SLIT2: variants seen among roughly 807,000 people sequenced by gnomAD.
The protein encoded by SLIT2 is slit guidance ligand 2.
A neutral mutation model predicts 185.7 loss-of-function variants in SLIT2; 41 were observed. The observed-to-expected ratio is 0.22, with a 90% CI of 0.17 to 0.29. The LOEUF (loss-of-function observed/expected upper bound fraction) is 0.29, where lower values mean the gene tolerates loss of function less well. Among genes scored for constraint, SLIT2 ranks in the 10% least tolerant of loss-of-function variants. The pLI is 1.00. For missense variants in SLIT2, 1,571 were observed against 1,909.0 expected, an observed-to-expected ratio of 0.82 and a Z score of 3.30; for synonymous variants, 693 against 680.2, an observed-to-expected ratio of 1.02 and a Z score of -0.29.
intron 19 of SLIT2, among the ~76,000 whole-genome samples, chr4:20,540,014 T>C (rs1722662372): frequency 6.6e-6 from 1 of 151,968 alleles, no homozygotes; most frequent in Admixed American, 6.6e-5. Context: ...GCACAGTGGC[T>C]CACGTCTGTA....
intron 4 of SLIT2, 33 bp downstream of exon 4, chr4:20,268,914 G>C (rs577962276): frequency 1.3e-5 from 17 of 1,277,488 alleles, no homozygotes; most frequent in Non-Finnish European, 1.7e-5. Context: ...TGTTGCTTTG[G>C]GTAGTACCTT....
intron 4 of SLIT2, among the ~76,000 whole-genome samples, chr4:20,374,668 C>T (rs1723872426): frequency 6.6e-6 from 1 of 151,926 alleles, no homozygotes; most frequent in South Asian, 2.1e-4. Flanking sequence ...CTTTCTCCTT[C>T]TTTCCTTCCT....
intron 4 of SLIT2, among the ~76,000 whole-genome samples, chr4:20,453,493 G>A (rs1472890029): frequency 2.0e-5 from 3 of 152,132 alleles, no homozygotes; most frequent in Non-Finnish European, 4.4e-5. Flanking sequence ...ATTAATATGT[G>A]TAAGGCCCTG....
chr4:20,294,348 C>CA (rs34046519), intron 4 of SLIT2, among the ~76,000 whole-genome samples: 32,515 of 123,296 alleles, frequency 0.26, 4,481 homozygotes, highest in East Asian at 0.62. Flanking sequence ...GACTCTGTCT[C>CA]AAAAAAAAAA....
At position 20,370,238 on chromosome 4, in the gene SLIT2, A is replaced by G. The variant is rs557923313; in HGVS notation, c.396-97514A>G. 4.6e-5 allele frequency among the ~76,000 whole-genome samples: 7 copies of G among 152,182 alleles called. No individual in the cohort carries two copies. In the South Asian group the frequency reaches 1.2e-3, roughly 27 times the overall value. ...TGAAAGGGAGCTTTCAAAATATAGA[A>G]AACTCCTTTCCCTTTCCACAAAGAT... On this transcript the variant is annotated intron_variant, in intron 4 of 36. Transcript: ENST00000504154.
chr4:20,565,759 C>G lies in SLIT2; in HGVS notation c.2726-1503C>G, dbSNP rs138877912. Reference sequence around the variant, plus strand: ...TAAGCACCACCTCTTTCCCTTAATACGGTCATCCTAGGAACAGTTAATTTT... The same window carrying G: ...TAAGCACCACCTCTTTCCCTTAATAGGGTCATCCTAGGAACAGTTAATTTT... On this transcript the variant is annotated intron_variant, in intron 26 of 36. Coordinates refer to ENST00000504154, the MANE Select transcript of SLIT2 (RefSeq NM_004787.4). 2.6e-4 allele frequency among the ~76,000 whole-genome samples: 39 copies of G among 151,982 alleles called. 1 individual carries two copies. In the Middle Eastern group the frequency reaches 0.027, roughly 106 times the overall value.
intron 4 of SLIT2, among the ~76,000 whole-genome samples, chr4:20,433,754 T>G (rs1560419397): frequency 6.6e-6 from 1 of 152,176 alleles, no homozygotes. Flanking sequence ...TGCAGAATCA[T>G]CTTTGCAATT....
In SLIT2 at chr4:20,288,454, T is replaced by C. The variant is rs1715488506; in HGVS notation, c.395+19573T>C. Among the ~76,000 whole-genome samples the C allele has an allele frequency of 2.6e-5, 4 of 152,256 alleles. No homozygotes were observed. The South Asian group carries it at 8.3e-4, about 31-fold the overall frequency. On this transcript the variant is annotated intron_variant, in intron 4 of 36. Transcript: ENST00000504154. ...ACTGAGTGCATGTGCTCTGCACGTGTGCATGACAATGAGGAAATTTCCCTT... is the reference window on the plus strand; with the variant it reads ...ACTGAGTGCATGTGCTCTGCACGTGCGCATGACAATGAGGAAATTTCCCTT...
intron 4 of SLIT2, among the ~76,000 whole-genome samples, chr4:20,325,603 G>A (rs1002950329): frequency 3.9e-5 from 6 of 151,924 alleles, no homozygotes; most frequent in East Asian, 1.9e-4. Flanking sequence ...CATACCTAAC[G>A]CATGTACTTA....
At chr4:20,433,645 A>G (rs1294963302) in intron 4 of SLIT2, among the ~76,000 whole-genome samples, 2 of 152,216 alleles carry the variant, frequency 1.3e-5, no homozygotes, top group African/African-American at 2.4e-5. Context: ...TAAAAAGGGA[A>G]TAGTAATTCA....
chr4:20,477,857 G>A (rs1276256547), intron 5 of SLIT2, among the ~76,000 whole-genome samples: 1 of 152,086 alleles, frequency 6.6e-6, no homozygotes, highest in Non-Finnish European at 1.5e-5. Context: ...TAATTTCGTA[G>A]CACAATTGCA....
chr4:20,541,771 C>G (rs1722817663), intron 20 of SLIT2, 152 bp downstream of exon 20: 1 of 641,300 alleles, frequency 1.6e-6, no homozygotes, highest in African/African-American at 1.8e-5. Context: ...TGCCAGGACA[C>G]TTACTTTCTT....
chr4:20,514,570 G>A (rs1451179007), intron 11 of SLIT2, among the ~76,000 whole-genome samples: 2 of 152,022 alleles, frequency 1.3e-5, no homozygotes, highest in Non-Finnish European at 1.5e-5. Flanking sequence ...TCTTGAACCC[G>A]GGAGACGAAT....
chr4:20,537,052 ATACCTC>A (rs1268810819), intron 18 of SLIT2, among the ~76,000 whole-genome samples: 6 of 152,188 alleles, frequency 3.9e-5, no homozygotes, highest in Non-Finnish European at 5.9e-5. Context: ...TTCTTCTGGA[ATACCTC>A]CGGAAGGACC....
intron 7 of SLIT2, among the ~76,000 whole-genome samples, chr4:20,487,523 A>C (rs925649386): frequency 3.3e-5 from 5 of 152,180 alleles, no homozygotes; most frequent in Middle Eastern, 3.4e-3. Flanking sequence ...CCATTTTTAC[A>C]TTCTTTTCTC....
intron 33 of SLIT2, among the ~76,000 whole-genome samples, chr4:20,609,742 T>C (rs1281075562): frequency 6.6e-6 from 1 of 152,210 alleles, no homozygotes; most frequent in African/African-American, 2.4e-5. Flanking sequence ...ATTGAGAGAA[T>C]GTGGCTGGAT....
chr4:20,466,765 G>C (rs967484893), intron 4 of SLIT2, among the ~76,000 whole-genome samples: 2 of 152,102 alleles, frequency 1.3e-5, no homozygotes, highest in Admixed American at 6.6e-5. Context: ...CCTGTGGTTA[G>C]TAGCTTCGTA....
chr4:20,295,305 G>A (rs1474481873), intron 4 of SLIT2, among the ~76,000 whole-genome samples: 2 of 152,184 alleles, frequency 1.3e-5, no homozygotes, highest in South Asian at 2.1e-4. Context: ...GTTTTCCGGG[G>A]CCCCTTTCTG....
intron 9 of SLIT2, among the ~76,000 whole-genome samples, chr4:20,500,898 C>T (rs1285674852): frequency 6.6e-6 from 1 of 152,094 alleles, no homozygotes; most frequent in Admixed American, 6.6e-5. Context: ...ACTAGTTTTT[C>T]CTCTATCAAA....
Sources: allele counts gnomAD v4.1 joint callset (sites outside exome capture counted in the v4.1 genomes callset), GRCh38; gene constraint gnomAD v4.1.1; transcripts MANE v1.5; gene names NCBI Gene and HGNC (gene_info 2026-07-23, HGNC 2026-07-21).